The following NOL4 variants were observed in gnomAD, a reference collection of about 807,000 sequenced individuals.
The protein encoded by NOL4 is cancer/testis antigen 125.
NOL4 carries 17 observed loss-of-function variants against 75.9 expected under a neutral mutation model. The ratio of observed to expected loss-of-function variants is 0.22; its 90% CI spans 0.15 to 0.34. NOL4 has a LOEUF of 0.34. NOL4 is among the 10% of genes least tolerant of loss of function. NOL4 has a pLI of 1.00. For missense variants in NOL4, 614 were observed against 793.5 expected (o/e 0.77, Z 2.72); for synonymous variants, 292 against 289.9 (o/e 1.01, Z -0.07).
chr18:34,146,299 C>T (rs746538595), intron 1 of NOL4, among the ~76,000 whole-genome samples: 9 of 151,844 alleles, frequency 5.9e-5, no homozygotes, highest in Non-Finnish European at 1.2e-4. Context: ...GAAGTCTTTG[C>T]CTATGCCTAT....
chr18:34,012,459 G>A (rs1484032107), intron 6 of NOL4, among the ~76,000 whole-genome samples: 1 of 151,772 alleles, frequency 6.6e-6, no homozygotes, highest in Non-Finnish European at 1.5e-5. Flanking sequence ...GAGCAGAACT[G>A]AAGAATATGT....
chr18:34,037,166 T>A (rs1006453541), intron 5 of NOL4, among the ~76,000 whole-genome samples: 1 of 152,020 alleles, frequency 6.6e-6, no homozygotes, highest in African/African-American at 2.4e-5. Flanking sequence ...AGAAGGCAAT[T>A]CCACTTACAA....
chr18:33,891,464 A>G (rs2065090438), intron 9 of NOL4, among the ~76,000 whole-genome samples: 1 of 152,194 alleles, frequency 6.6e-6, no homozygotes, highest in African/African-American at 2.4e-5. Flanking sequence ...AAACTCTGAA[A>G]GAAGACACAA....
At chr18:33,973,135 T>A (rs912549472) in intron 6 of NOL4, among the ~76,000 whole-genome samples, 2 of 152,262 alleles carry the variant, frequency 1.3e-5, no homozygotes, top group African/African-American at 2.4e-5. Context: ...CTTAAGCTTA[T>A]GTAATATTCT....
chr18:34,176,671 GC>G (rs1187150747), intron 1 of NOL4, among the ~76,000 whole-genome samples: 1 of 151,720 alleles, frequency 6.6e-6, no homozygotes, highest in African/African-American at 2.4e-5. Flanking sequence ...GAGCATGAGC[GC>G]TCTCTCTCTC....
At chr18:34,104,982 A>G in intron 3 of NOL4, 67 bp downstream of exon 3, 1 of 968,380 alleles carries the variant, frequency 1.0e-6, no homozygotes, top group East Asian at 2.4e-5. Context: ...TTTTATAAAA[A>G]TGTGAGATAC....
At chr18:33,937,200 AG>A (rs1481434207) in intron 9 of NOL4, among the ~76,000 whole-genome samples, 1 of 152,122 alleles carries the variant, frequency 6.6e-6, no homozygotes, top group Admixed American at 6.6e-5. Context: ...CTGATGAAGG[AG>A]CAGTAGGCTC....
At chr18:34,221,464 T>C (rs2037294672) in intron 1 of NOL4, 1 of 152,342 alleles carries the variant, frequency 6.6e-6, no homozygotes, top group African/African-American at 2.4e-5. Context: ...ACCTCAGTTC[T>C]AAATCATGCC....
intron 8 of NOL4, among the ~76,000 whole-genome samples, chr18:33,947,632 C>T (rs993241587): frequency 6.0e-5 from 9 of 150,900 alleles, no homozygotes; most frequent in African/African-American, 1.9e-4. Flanking sequence ...TTTAATTATA[C>T]ACTTCAAATG....
At chr18:34,196,802 TAAAC>T (rs1320035801) in intron 1 of NOL4, among the ~76,000 whole-genome samples, 2 of 152,082 alleles carry the variant, frequency 1.3e-5, no homozygotes, top group Non-Finnish European at 2.9e-5. Flanking sequence ...TAAATAATAT[TAAAC>T]AAATAATTGA....
chr18:34,089,111 G>A (rs1040569560), intron 5 of NOL4, among the ~76,000 whole-genome samples: 8 of 151,822 alleles, frequency 5.3e-5, no homozygotes, highest in Non-Finnish European at 1.0e-4. Flanking sequence ...TAACCATAGT[G>A]AAATAAAAAT....
At chr18:34,151,760 C>A (rs938576641) in intron 1 of NOL4, among the ~76,000 whole-genome samples, 4 of 151,740 alleles carry the variant, frequency 2.6e-5, no homozygotes, top group African/African-American at 9.7e-5. Flanking sequence ...CACTTTGGTG[C>A]AGGATGTTGA....
At chr18:33,908,134 A>C (rs1201877706) in intron 9 of NOL4, among the ~76,000 whole-genome samples, 1 of 152,150 alleles carries the variant, frequency 6.6e-6, no homozygotes, top group South Asian at 2.1e-4. Context: ...GCCCTCTCAG[A>C]TACTATGCAT....
At chr18:34,124,612 A>G (rs2068268213) in intron 2 of NOL4, among the ~76,000 whole-genome samples, 1 of 152,256 alleles carries the variant, frequency 6.6e-6, no homozygotes, top group East Asian at 1.9e-4. Context: ...TAGGACTCAT[A>G]TAAGAATCAA....
chr18:34,080,597 G>A (rs745610616), intron 5 of NOL4, among the ~76,000 whole-genome samples: 6 of 152,114 alleles, frequency 3.9e-5, no homozygotes, highest in Admixed American at 1.3e-4. Context: ...TGTGAAGGCT[G>A]GGCCACTGCT....
At chr18:33,932,032 A>G (rs1357683016) in intron 9 of NOL4, among the ~76,000 whole-genome samples, 2 of 152,116 alleles carry the variant, frequency 1.3e-5, no homozygotes, top group Non-Finnish European at 2.9e-5. Context: ...CACAACATAT[A>G]CATGTCAGAG....
chr18:34,104,683 G>T (rs528190688), intron 3 of NOL4, among the ~76,000 whole-genome samples: 7 of 151,976 alleles, frequency 4.6e-5, no homozygotes, highest in Non-Finnish European at 1.0e-4. Flanking sequence ...TTTTAGTAAA[G>T]AAACTCCACA....
chr18:34,188,109 G>A lies in NOL4; in HGVS notation c.264+34881C>T, dbSNP rs185685081. Among the ~76,000 whole-genome samples, 113 of 152,300 alleles carry A rather than the reference G, an allele frequency of 7.4e-4. 1 individual carries two copies. Among genetic ancestry groups the A allele is most frequent in the African/African-American group, 2.5e-3 (105 of 41,584 alleles). On this transcript the variant is annotated intron_variant, in intron 1 of 10. Transcript: ENST00000261592. The stretch of plus-strand genomic sequence containing the variant: ...TACTGTAGTTATTTTTGTAGACACT[G>A]TGTATCCATGTTAATTACAGGCGTT...
At chr18:34,163,077 G>C (rs2146193697) in intron 1 of NOL4, among the ~76,000 whole-genome samples, 1 of 152,276 alleles carries the variant, frequency 6.6e-6, no homozygotes, top group East Asian at 1.9e-4. Flanking sequence ...ATTAGGTATT[G>C]ATGGGACATA....
Sources: gnomAD v4.1 joint callset for allele counts (sites outside exome capture counted in the v4.1 genomes callset) on GRCh38, gnomAD v4.1.1 for gene constraint, MANE v1.5 for transcripts, NCBI Gene and HGNC (gene_info 2026-07-23, HGNC 2026-07-21) for gene names.